The following GTF2I variants were observed in gnomAD, a reference collection of about 807,000 sequenced individuals.
GTF2I encodes general transcription factor IIi.
GTF2I carries 12 observed loss-of-function variants against 67.6 expected under a neutral mutation model. The observed-to-expected ratio is 0.18, with a 90% CI of 0.11 to 0.29. GTF2I has a LOEUF of 0.29. Among genes scored for constraint, GTF2I ranks in the 10% least tolerant of loss-of-function variants. The probability of loss-of-function intolerance (pLI) is 1.00; values close to 1 mark genes in which losing one functional copy is unlikely to be tolerated. For missense variants in GTF2I, 271 were observed against 580.1 expected (o/e 0.47, Z 5.47); for synonymous variants, 149 against 197.0 (o/e 0.76, Z 2.04).
At chr7:74,674,975 C>T (rs930155467) in intron 1 of GTF2I, among the ~76,000 whole-genome samples, 7 of 152,108 alleles carry the variant, frequency 4.6e-5, no homozygotes, top group Non-Finnish European at 8.8e-5. Context: ...GCCTCAGTCT[C>T]CCAAGTAGCT....
chr7:74,685,752 G>A (rs1787660002), intron 1 of GTF2I, among the ~76,000 whole-genome samples: 1 of 151,638 alleles, frequency 6.6e-6, no homozygotes, highest in African/African-American at 2.4e-5. Context: ...CGGCGATAGA[G>A]CTAGACTCCG....
intron 26 of GTF2I, among the ~76,000 whole-genome samples, chr7:74,750,390 C>T (rs1218080412): frequency 3.1e-5 from 3 of 96,432 alleles, no homozygotes; most frequent in Non-Finnish European, 6.8e-5. Context: ...GGAGATCGTG[C>T]CATTGCACTC....
At chr7:74,729,719 C>G (rs1794280034) in intron 13 of GTF2I, among the ~76,000 whole-genome samples, 1 of 139,142 alleles carries the variant, frequency 7.2e-6, no homozygotes, top group Non-Finnish European at 1.6e-5. Context: ...CTCAGGTGAT[C>G]CGCATGCCTC....
At chr7:74,693,022 A>G (rs1429009364) in intron 3 of GTF2I, among the ~76,000 whole-genome samples, 1 of 151,758 alleles carries the variant, frequency 6.6e-6, no homozygotes, top group Non-Finnish European at 1.5e-5. Context: ...TCGGCCTCCC[A>G]AAGTGCTGGG....
chr7:74,683,059 T>C (rs1787398500), intron 1 of GTF2I, among the ~76,000 whole-genome samples: 1 of 151,966 alleles, frequency 6.6e-6, no homozygotes, highest in Non-Finnish European at 1.5e-5. Flanking sequence ...TTAATGTGAG[T>C]CCCAGTAGGA....
intron 4 of GTF2I, chr7:74,699,585 C>T (rs1329350222): frequency 6.5e-6 from 1 of 152,848 alleles, no homozygotes; most frequent in Non-Finnish European, 1.5e-5. Context: ...GCGTGAGCCA[C>T]CATGCCTGGC....
intron 1 of GTF2I, among the ~76,000 whole-genome samples, chr7:74,664,479 G>C (rs1301338973): frequency 6.6e-6 from 1 of 152,098 alleles, no homozygotes; most frequent in African/African-American, 2.4e-5. Context: ...TGTCGCACAG[G>C]CTAAAGTGCA....
intron 14 of GTF2I, among the ~76,000 whole-genome samples, chr7:74,730,898 G>C (rs1455663274): frequency 2.2e-5 from 3 of 137,200 alleles, no homozygotes; most frequent in African/African-American, 5.5e-5. Context: ...GTAGAGACAG[G>C]GTTTCACCAT....
intron 2 of GTF2I, 23 bp from the exon 3 acceptor site, chr7:74,690,950 G>T: frequency 2.5e-6 from 4 of 1,599,760 alleles, no homozygotes; most frequent in Non-Finnish European, 3.4e-6. Context: ...CCTGTAACAT[G>T]ATGTTTGCTG....
chr7:74,718,858 T>TA, intron 11 of GTF2I, 21 bp from the exon 12 acceptor site: 1 of 1,346,162 alleles, frequency 7.4e-7, no homozygotes, highest in Non-Finnish European at 1.0e-6. Context: ...AATGTCATTT[T>TA]AGAATTTTAT....
intron 1 of GTF2I, among the ~76,000 whole-genome samples, chr7:74,680,210 ATATT>A (rs1224561349): frequency 4.7e-5 from 7 of 147,424 alleles, no homozygotes; most frequent in Non-Finnish European, 8.9e-5. Context: ...TTGTGTATAT[ATATT>A]ATAACATGAA....
intron 13 of GTF2I, 43 bp from the exon 14 acceptor site, chr7:74,730,186 G>T (rs1794333141): frequency 7.4e-6 from 1 of 134,808 alleles, no homozygotes. Flanking sequence ...TGCCCCGATG[G>T]TAGGGACTTC....
intron 3 of GTF2I, among the ~76,000 whole-genome samples, chr7:74,697,609 ATTTTCT>A (rs2131322855): frequency 6.6e-6 from 1 of 152,144 alleles, no homozygotes; most frequent in East Asian, 1.9e-4. Context: ...ACCAATACAA[ATTTTCT>A]TTTTTAAAGT....
At chr7:74,714,466 C>T (rs1408454289) in intron 9 of GTF2I, among the ~76,000 whole-genome samples, 1 of 151,930 alleles carries the variant, frequency 6.6e-6, no homozygotes, top group Non-Finnish European at 1.5e-5. Flanking sequence ...CAAATATTTG[C>T]CAAAGAAGAA....
At chr7:74,680,097 A>T (rs1303474713) in intron 1 of GTF2I, among the ~76,000 whole-genome samples, 4,704 of 86,212 alleles carry the variant, frequency 0.055, 92 homozygotes, top group African/African-American at 0.069. Flanking sequence ...AAAAAAAAAA[A>T]AAATATATAT....
At chr7:74,698,691 C>T (rs868960898) in intron 3 of GTF2I, among the ~76,000 whole-genome samples, 11 of 152,142 alleles carry the variant, frequency 7.2e-5, no homozygotes, top group Middle Eastern at 6.8e-3. Context: ...GAATTACAGG[C>T]GTGAGCCCTT....
chr7:74,698,074 G>A (rs1385011449), intron 3 of GTF2I, among the ~76,000 whole-genome samples: 4 of 152,176 alleles, frequency 2.6e-5, no homozygotes, highest in Non-Finnish European at 5.9e-5. Context: ...TCTTGCCCCA[G>A]CCTCCTGAGT....
intron 1 of GTF2I, among the ~76,000 whole-genome samples, chr7:74,672,289 A>G (rs1805528632): frequency 6.6e-6 from 1 of 152,134 alleles, no homozygotes; most frequent in Non-Finnish European, 1.5e-5. Flanking sequence ...CAGTAATCCC[A>G]GCACTTCGGG....
chr7:74,666,131 C>G (rs928596521), intron 1 of GTF2I, among the ~76,000 whole-genome samples: 1 of 152,200 alleles, frequency 6.6e-6, no homozygotes, highest in African/African-American at 2.4e-5. Flanking sequence ...ACGTGATCCA[C>G]CGCGCCTGGC....
Sources: gnomAD v4.1 joint callset for allele counts (sites outside exome capture counted in the v4.1 genomes callset) on GRCh38, gnomAD v4.1.1 for gene constraint, MANE v1.5 for transcripts, NCBI Gene and HGNC (gene_info 2026-07-23, HGNC 2026-07-21) for gene names.